Variants in TAFA1 observed in about 807,000 individuals in gnomAD.
The protein encoded by TAFA1 is chemokine-like protein TAFA-1.
TAFA1 carries 4 observed loss-of-function variants against 18.5 expected under a neutral mutation model. The ratio of observed to expected loss-of-function variants is 0.22; its 90% CI spans 0.11 to 0.49. The LOEUF (loss-of-function observed/expected upper bound fraction) is 0.49. Among genes scored for constraint, TAFA1 ranks in the 20% least tolerant of loss-of-function variants. The pLI is 0.98. For synonymous variants in TAFA1, 56 were observed against 55.2 expected, an observed-to-expected ratio of 1.01 and a Z score of -0.06; for missense variants, 147 against 169.0, an observed-to-expected ratio of 0.87 and a Z score of 0.72.
chr3:68,338,474 CAG>C (rs996684606), intron 2 of TAFA1, among the ~76,000 whole-genome samples: 2 of 152,134 alleles, frequency 1.3e-5, no homozygotes, highest in Admixed American at 1.3e-4. Flanking sequence ...AAAAATAACA[CAG>C]ATATCATTTT....
Position 68,347,536 on chromosome 3 carries a change from G to C in TAFA1, c.119-69744G>C, listed in dbSNP as rs578073531. ...GACAGTACATATTTTAGGTTCCACA[G>C]GTCATATGGTTTCTGTTGCAACTGT... On this transcript the variant is annotated intron_variant, in intron 2 of 4. Coordinates refer to ENST00000478136, the MANE Select transcript of TAFA1 (RefSeq NM_213609.4). Among the ~76,000 whole-genome samples, 45 of 152,274 alleles carry C rather than the reference G, an allele frequency of 3.0e-4. 1 individual carries two copies. Among genetic ancestry groups the C allele is most frequent in the African/African-American group, 1.1e-3 (45 of 41,578 alleles).
chr3:68,341,979 T>C (rs1021773978), intron 2 of TAFA1, among the ~76,000 whole-genome samples: 1 of 152,172 alleles, frequency 6.6e-6, no homozygotes, highest in Non-Finnish European at 1.5e-5. Flanking sequence ...GGTGGTTGAA[T>C]GAAGGCACGT....
chr3:68,169,894 C>A (rs1313687138), intron 2 of TAFA1, among the ~76,000 whole-genome samples: 1 of 152,152 alleles, frequency 6.6e-6, no homozygotes, highest in East Asian at 1.9e-4. Flanking sequence ...TTGTTACTTA[C>A]AGAAGAGGTA....
At chr3:68,354,603 G>A (rs1235407773) in intron 2 of TAFA1, among the ~76,000 whole-genome samples, 1 of 151,958 alleles carries the variant, frequency 6.6e-6, no homozygotes, top group Non-Finnish European at 1.5e-5. Flanking sequence ...TTAAATAACT[G>A]ACTTAGTTCA....
At chr3:68,384,049 A>T (rs953573039) in intron 2 of TAFA1, among the ~76,000 whole-genome samples, 3 of 151,564 alleles carry the variant, frequency 2.0e-5, no homozygotes, top group Admixed American at 6.6e-5. Flanking sequence ...TTCTGATTGT[A>T]TTTATTTGGA....
intron 3 of TAFA1, among the ~76,000 whole-genome samples, chr3:68,513,828 T>C (rs185020202): frequency 5.4e-4 from 82 of 152,344 alleles, no homozygotes; most frequent in African/African-American, 1.9e-3. Flanking sequence ...ATTCTGCTTA[T>C]TTATTTTTTC....
chr3:68,382,065 A>T (rs1575820219), intron 2 of TAFA1, among the ~76,000 whole-genome samples: 1 of 152,126 alleles, frequency 6.6e-6, no homozygotes, highest in East Asian at 1.9e-4. Flanking sequence ...GGTTCTGTTT[A>T]TATGCTGGAT....
intron 2 of TAFA1, among the ~76,000 whole-genome samples, chr3:68,063,997 C>T (rs539082085): frequency 2.6e-5 from 4 of 152,276 alleles, no homozygotes; most frequent in South Asian, 2.1e-4. Context: ...TGTGAGTTTC[C>T]TGTGGCTTAC....
chr3:68,522,037 G>C (rs539751843), intron 3 of TAFA1, among the ~76,000 whole-genome samples: 22 of 151,148 alleles, frequency 1.5e-4, no homozygotes, highest in African/African-American at 4.6e-4. Flanking sequence ...TTCATAGATG[G>C]GGTCTCGCTT....
chr3:68,366,758 T>G (rs2069581518), intron 2 of TAFA1, among the ~76,000 whole-genome samples: 2 of 152,216 alleles, frequency 1.3e-5, no homozygotes, highest in African/African-American at 4.8e-5. Context: ...CTAGGTTTTG[T>G]GGGTTTTAAA....
At chr3:68,417,512 T>A (rs1311774938) in intron 3 of TAFA1, 92 bp downstream of exon 3, 3 of 1,207,494 alleles carry the variant, frequency 2.5e-6, no homozygotes, top group Non-Finnish European at 3.5e-6. Flanking sequence ...TTCCAGATAA[T>A]GAACAAGGTG....
intron 2 of TAFA1, among the ~76,000 whole-genome samples, chr3:68,128,331 G>A (rs2065495956): frequency 6.6e-6 from 1 of 152,162 alleles, no homozygotes; most frequent in African/African-American, 2.4e-5. Context: ...AGGGACTTTA[G>A]AGTGTGATAA....
chr3:68,103,951 G>T (rs530005798), intron 2 of TAFA1, among the ~76,000 whole-genome samples: 45 of 152,224 alleles, frequency 3.0e-4, no homozygotes, highest in African/African-American at 9.4e-4. Flanking sequence ...CAGGTCTTCA[G>T]ACAGCTTCTT....
chr3:68,418,266 C>T (rs1211814227), intron 3 of TAFA1, among the ~76,000 whole-genome samples: 5 of 151,700 alleles, frequency 3.3e-5, no homozygotes, highest in Non-Finnish European at 5.9e-5. Flanking sequence ...AAGGGTGGGG[C>T]CGTTTTATAG....
chr3:68,313,383 A>G (rs920454861), intron 2 of TAFA1, among the ~76,000 whole-genome samples: 1 of 152,050 alleles, frequency 6.6e-6, no homozygotes, highest in Non-Finnish European at 1.5e-5. Context: ...TGCAGTCTTG[A>G]TTCTTAAACT....
chr3:68,250,847 C>T (rs13060479), intron 2 of TAFA1: 1 of 151,088 alleles, frequency 6.6e-6, no homozygotes, highest in Non-Finnish European at 1.5e-5. Flanking sequence ...ATTTTCAAGT[C>T]AATTACAATT....
chr3:68,506,113 C>T (rs1265968358), intron 3 of TAFA1, among the ~76,000 whole-genome samples: 6 of 151,882 alleles, frequency 4.0e-5, no homozygotes, highest in African/African-American at 1.5e-4. Flanking sequence ...TTTTTCAACT[C>T]CCATTTATGA....
chr3:68,056,924 C>G (rs2064543986), intron 2 of TAFA1, among the ~76,000 whole-genome samples: 1 of 152,170 alleles, frequency 6.6e-6, no homozygotes, highest in Non-Finnish European at 1.5e-5. Context: ...CTGCTCACCC[C>G]TTGCAATACC....
intron 2 of TAFA1, among the ~76,000 whole-genome samples, chr3:68,053,221 A>T (rs2064493995): frequency 6.6e-6 from 1 of 152,144 alleles, no homozygotes; most frequent in African/African-American, 2.4e-5. Flanking sequence ...CCAATGGCAG[A>T]AATAAAGTAG....
Sources: allele counts gnomAD v4.1 joint callset (sites outside exome capture counted in the v4.1 genomes callset), GRCh38; gene constraint gnomAD v4.1.1; transcripts MANE v1.5; gene names NCBI Gene and HGNC (gene_info 2026-07-23, HGNC 2026-07-21).